The following DOCK1 variants were observed in gnomAD, a reference collection of about 807,000 sequenced individuals.
DOCK1 encodes dedicator of cytokinesis protein 1.
A neutral mutation model predicts 262.7 loss-of-function variants in DOCK1; 138 were observed. The ratio of observed to expected loss-of-function variants is 0.53; its 90% CI spans 0.46 to 0.61. The LOEUF (loss-of-function observed/expected upper bound fraction) is 0.61, where lower values mean the gene tolerates loss of function less well. Among genes scored for constraint, DOCK1 ranks in the 20% least tolerant of loss-of-function variants. The pLI is 0.00. For synonymous variants in DOCK1, 866 were observed against 867.4 expected (o/e 1.00, Z 0.03); for missense variants, 1,908 against 2,370.7 (o/e 0.80, Z 4.05).
rs551194366 is a variant in DOCK1, at chr10:127,100,268, G to A, written c.2446-5963G>A. On this transcript the variant is annotated intron_variant, in intron 23 of 51. Transcript: ENST00000623213. The surrounding 1 kb of genome is among the most constrained non-coding windows in gnomAD (Gnocchi z 5.5). ...AGCCAATGGGAGGCAGTAGCCGTGC[G>A]GCCCAGGTGCTGTTTGTTCCGGGGG... 1.8e-3 allele frequency among the ~76,000 whole-genome samples: 271 copies of A among 152,286 alleles called. No individual in the cohort carries two copies. The highest frequency in any genetic ancestry group is 3.3e-3 in the Non-Finnish European group (225 of 68,018).
chr10:127,125,324 C>T, intron 25 of DOCK1, 150 bp from the exon 26 acceptor site: 1 of 978,550 alleles, frequency 1.0e-6, no homozygotes, highest in Admixed American at 2.5e-5. Context: ...GGTGTTCTCA[C>T]AGTCAAGTAA....
At chr10:127,194,821 A>G (rs1477231334) in intron 27 of DOCK1, among the ~76,000 whole-genome samples, 1 of 152,142 alleles carries the variant, frequency 6.6e-6, no homozygotes, top group Non-Finnish European at 1.5e-5. Context: ...GGCTCCCCCA[A>G]AGTTCATTCC....
intron 27 of DOCK1, chr10:127,128,165 C>G (rs1184622633): frequency 6.5e-6 from 1 of 152,836 alleles, no homozygotes; most frequent in African/African-American, 2.4e-5. Flanking sequence ...TTTTCTTAAA[C>G]AGTAATTAGG....
intron 27 of DOCK1, chr10:127,192,757 G>A (rs948975444): frequency 1.3e-5 from 2 of 152,168 alleles, no homozygotes; most frequent in African/African-American, 4.8e-5. Flanking sequence ...ATCACACATG[G>A]TCCAAAGGTT....
At chr10:126,911,466 A>G (rs1042608696) in intron 1 of DOCK1, among the ~76,000 whole-genome samples, 7 of 152,220 alleles carry the variant, frequency 4.6e-5, no homozygotes, top group African/African-American at 1.7e-4. Context: ...CTGACCGGGC[A>G]CATGCACCAG....
At chr10:127,318,494 A>G (rs974870350) in intron 29 of DOCK1, among the ~76,000 whole-genome samples, 6 of 152,188 alleles carry the variant, frequency 3.9e-5, no homozygotes, top group Non-Finnish European at 5.9e-5. Flanking sequence ...GGGGAGAGGC[A>G]GCAGCATGTG....
chr10:127,026,114 G>A (rs75713942), intron 15 of DOCK1: 1 of 476,176 alleles, frequency 2.1e-6, no homozygotes, highest in South Asian at 2.3e-5. Context: ...AGAGCATTCA[G>A]AAAAAAAAAT....
At chr10:127,286,560 AC>A (rs1430374538) in intron 29 of DOCK1, among the ~76,000 whole-genome samples, 1 of 152,146 alleles carries the variant, frequency 6.6e-6, no homozygotes, top group African/African-American at 2.4e-5. Flanking sequence ...CACCTTTACC[AC>A]TGTCAACCAT....
At chr10:127,404,821 G>A (rs1393754993) in intron 40 of DOCK1, among the ~76,000 whole-genome samples, 1 of 152,140 alleles carries the variant, frequency 6.6e-6, no homozygotes, top group South Asian at 2.1e-4. Flanking sequence ...GCAAAACTGA[G>A]ATTCTGCATC....
chr10:127,174,065 C>T (rs2054835272), intron 27 of DOCK1, among the ~76,000 whole-genome samples: 1 of 152,202 alleles, frequency 6.6e-6, no homozygotes, highest in Non-Finnish European at 1.5e-5. Context: ...CCATTCTTTG[C>T]AGTCAGCAAA....
intron 38 of DOCK1, among the ~76,000 whole-genome samples, chr10:127,402,001 C>T (rs931285371): frequency 3.3e-5 from 5 of 152,152 alleles, no homozygotes; most frequent in African/African-American, 9.7e-5. Context: ...TCAGGACTGG[C>T]GCTACCGTCT....
chr10:127,426,281 C>G (rs941918091), intron 47 of DOCK1, among the ~76,000 whole-genome samples: 1 of 152,178 alleles, frequency 6.6e-6, no homozygotes, highest in African/African-American at 2.4e-5. Context: ...GAACACAGTC[C>G]AACCTTATTG....
intron 29 of DOCK1, among the ~76,000 whole-genome samples, chr10:127,332,129 C>T (rs1215674577): frequency 6.6e-6 from 1 of 152,214 alleles, no homozygotes; most frequent in Non-Finnish European, 1.5e-5. Flanking sequence ...GCACGTCACT[C>T]TGTTTATTAG....
At chr10:127,032,367 G>A in intron 18 of DOCK1, 47 bp downstream of exon 18, 1 of 1,457,080 alleles carries the variant, frequency 6.9e-7, no homozygotes, top group South Asian at 1.5e-5. Flanking sequence ...CTCTGCCCCA[G>A]TCCTGTCTTT....
intron 25 of DOCK1, among the ~76,000 whole-genome samples, chr10:127,123,702 C>T (rs534412414): frequency 6.6e-6 from 1 of 152,064 alleles, no homozygotes; most frequent in South Asian, 2.1e-4. Context: ...TTTTCTTGTT[C>T]ATTTCTCTTA....
chr10:127,305,543 G>A lies in DOCK1; in HGVS notation c.3045-33463G>A, dbSNP rs2135460597. Among the ~76,000 whole-genome samples the A allele has an allele frequency of 2.0e-5, 3 of 152,278 alleles. No homozygotes were observed. The East Asian group carries it at 5.8e-4, about 29-fold the overall frequency. ...CCAGCCATAAGGGCACACAGTGTGG[G>A]AGACAAGGGGCCATTCTGGGAACAG... On this transcript the variant is annotated intron_variant, in intron 29 of 51. Coordinates refer to ENST00000623213, the MANE Select transcript of DOCK1 (RefSeq NM_001290223.2).
At position 127,032,131 on chromosome 10, in the gene DOCK1, C is replaced by G. The variant is rs1204381136; in HGVS notation, c.1729-6C>G. On this transcript the variant is annotated splice_polypyrimidine_tract_variant and splice_region_variant and intron_variant, in intron 17 of 51. Transcript: ENST00000623213. The stretch of plus-strand genomic sequence containing the variant: ...CCTTTGACATACGGCATGACTAAAT[C>G]CACAGGCCGAAGCAAAGAAGCTGGA... 4 of 1,582,274 alleles carry G rather than the reference C, an allele frequency of 2.5e-6. No homozygotes were observed. Among genetic ancestry groups the G allele is most frequent in the Non-Finnish European group, 3.4e-6 (4 of 1,164,064 alleles).
chr10:127,017,186 C>CACGT (rs2042033382), intron 12 of DOCK1, among the ~76,000 whole-genome samples: 1 of 45,842 alleles, frequency 2.2e-5, no homozygotes, highest in Admixed American at 2.1e-4. Flanking sequence ...AGATACACCA[C>CACGT]ACATACACAC....
intron 21 of DOCK1, among the ~76,000 whole-genome samples, chr10:127,047,183 G>A (rs2044404892): frequency 1.4e-5 from 1 of 72,684 alleles, no homozygotes; most frequent in Admixed American, 1.8e-4. Flanking sequence ...ATTGCTTGAG[G>A]GTCATCCTTA....
Sources: gnomAD v4.1 joint callset for allele counts (sites outside exome capture counted in the v4.1 genomes callset) on GRCh38, gnomAD v4.1.1 for gene constraint, Gnocchi (gnomAD v3.1) non-coding constraint, MANE v1.5 for transcripts, NCBI Gene and HGNC (gene_info 2026-07-23, HGNC 2026-07-21) for gene names.